ANK2: variants seen among roughly 807,000 people sequenced by gnomAD.
ANK2 encodes the protein ankyrin 2.
In ANK2, 83 loss-of-function variants were observed where a neutral mutation model predicts 360.5. The observed-to-expected ratio is 0.23, with a 90% confidence interval of 0.19 to 0.28. The LOEUF is 0.28. Among genes scored for constraint, ANK2 ranks in the 10% least tolerant of loss-of-function variants. ANK2 has a pLI of 1.00. For missense variants in ANK2, 4,201 were observed against 4,795.7 expected, an observed-to-expected ratio of 0.88 and a Z score of 3.66; for synonymous variants, 1,740 against 1,759.5, an observed-to-expected ratio of 0.99 and a Z score of 0.28.
intron 41 of ANK2, 47 bp downstream of exon 41, chr4:113,365,229 GTGT>G: frequency 6.5e-7 from 1 of 1,547,160 alleles, no homozygotes; most frequent in Non-Finnish European, 8.8e-7. Flanking sequence ...GTGTGTGTGT[GTGT>G]TGTGTCTGTG....
upstream of ANK2, chr4:112,817,990 A>C (rs921303014): frequency 4.6e-5 from 7 of 152,394 alleles, no homozygotes; most frequent in Non-Finnish European, 1.0e-4. Flanking sequence ...AAATGATGCA[A>C]CCCAAGAGTG....
chr4:113,201,856 T>C (rs2098834616), intron 4 of ANK2, among the ~76,000 whole-genome samples: 1 of 152,214 alleles, frequency 6.6e-6, no homozygotes, highest in African/African-American at 2.4e-5. Context: ...GGTATAATCA[T>C]GCCAAATTAT....
intron 10 of ANK2, among the ~76,000 whole-genome samples, chr4:113,254,287 T>C (rs1325978591): frequency 6.6e-6 from 1 of 152,200 alleles, no homozygotes; most frequent in Non-Finnish European, 1.5e-5. Flanking sequence ...GTAACCTCGA[T>C]AGAGACGGGG....
intron 1 of ANK2, among the ~76,000 whole-genome samples, chr4:113,134,319 C>G (rs889589983): frequency 1.7e-5 from 2 of 114,702 alleles, no homozygotes; most frequent in African/African-American, 3.5e-5. Flanking sequence ...ACTGCAACCA[C>G]AGAGAGAACC....
At chr4:112,806,976 C>A in the ANK2 span, among the ~76,000 whole-genome samples, 92,071 of 152,038 alleles carry the variant, frequency 0.61, 29,260 homozygotes, top group East Asian at 0.93. Flanking sequence ...GTGCTGGGAA[C>A]ACAAAATGAG....
intron 1 of ANK2, among the ~76,000 whole-genome samples, chr4:113,072,573 G>A (rs1183696855): frequency 6.6e-6 from 1 of 152,170 alleles, no homozygotes; most frequent in Non-Finnish European, 1.5e-5. Context: ...TACAGGCAGA[G>A]GTTTGGGTAG....
rs1554597581 is a variant in ANK2, at chr4:113,373,310, A to T, written c.11720A>T (p.Tyr3907Phe). The change falls in exon 45 of 46, where the codon TAT becomes TTT. Residue 3907 changes from tyrosine to phenylalanine, a missense_variant. Coordinates refer to ENST00000357077, the MANE Select transcript of ANK2 (RefSeq NM_001148.6). ...GTTACTAGGAAAATCATTAGGCGGT[A>T]TGTATCCTCTGAAGGCACAGAGAAA... is the stretch of plus-strand genomic sequence containing the variant. ...KKVTRKIIRR[Y>F]VSSEGTEKEE... 6.2e-7 allele frequency: 1 copy of T among 1,614,208 alleles called. No homozygotes were observed. The highest frequency in any genetic ancestry group is 8.5e-7 in the Non-Finnish European group (1 of 1,180,012).
At chr4:112,799,600 T>A in the ANK2 span, among the ~76,000 whole-genome samples, 4 of 152,062 alleles carry the variant, frequency 2.6e-5, no homozygotes, top group Admixed American at 2.6e-4. Flanking sequence ...CACTGCAACC[T>A]CCGCTTCCTG....
At chr4:113,202,604 T>C (rs1658537102) in intron 4 of ANK2, among the ~76,000 whole-genome samples, 1 of 152,252 alleles carries the variant, frequency 6.6e-6, no homozygotes, top group African/African-American at 2.4e-5. Flanking sequence ...AACAGACTGC[T>C]AAAGTTATTT....
chr4:113,154,552 C>T (rs541109921), intron 1 of ANK2, among the ~76,000 whole-genome samples: 14 of 152,262 alleles, frequency 9.2e-5, no homozygotes, highest in African/African-American at 3.1e-4. Context: ...TTCTTCTGGC[C>T]TCACTAAAAG....
At chr4:113,256,715 A>G (rs1389785435) in intron 11 of ANK2, among the ~76,000 whole-genome samples, 1 of 152,228 alleles carries the variant, frequency 6.6e-6, no homozygotes, top group Non-Finnish European at 1.5e-5. Flanking sequence ...GTCTGTTAAA[A>G]TTGGTCTTCA....
intron 1 of ANK2, among the ~76,000 whole-genome samples, chr4:113,096,033 A>G (rs1049313459): frequency 6.6e-6 from 1 of 152,204 alleles, no homozygotes; most frequent in African/African-American, 2.4e-5. Context: ...CTGCCAAAGT[A>G]GTGTAGCTGT....
chr4:112,981,068 C>T (rs1223755757), intron 2 of ANK2, among the ~76,000 whole-genome samples: 1 of 152,184 alleles, frequency 6.6e-6, no homozygotes, highest in African/African-American at 2.4e-5. Context: ...CTACATCGTG[C>T]CTCAGGCTGA....
At chr4:113,054,343 A>G (rs534110202) in intron 1 of ANK2, among the ~76,000 whole-genome samples, 2 of 152,288 alleles carry the variant, frequency 1.3e-5, no homozygotes, top group African/African-American at 4.8e-5. Context: ...ACACACACAT[A>G]TTTAATGGCT....
At chr4:112,732,180 C>T in the ANK2 span, among the ~76,000 whole-genome samples, 1 of 151,744 alleles carries the variant, frequency 6.6e-6, no homozygotes, top group African/African-American at 2.4e-5. Flanking sequence ...TTTACTCTCA[C>T]AATGACTATA....
intron 1 of ANK2, among the ~76,000 whole-genome samples, chr4:113,150,223 C>A (rs17579913): frequency 0.23 from 34,458 of 151,964 alleles, 4,090 homozygotes; most frequent in South Asian, 0.29. Flanking sequence ...ACCAAGCTGC[C>A]CCTTCTGAGG....
chr4:112,930,038 A>T (rs1468588033), intron 2 of ANK2, among the ~76,000 whole-genome samples: 2 of 152,194 alleles, frequency 1.3e-5, no homozygotes, highest in Non-Finnish European at 2.9e-5. Context: ...CCAATGTCAC[A>T]TAATGGAGTT....
chr4:112,987,195 A>G (rs2045211871), intron 2 of ANK2, among the ~76,000 whole-genome samples: 1 of 152,188 alleles, frequency 6.6e-6, no homozygotes, highest in South Asian at 2.1e-4. Flanking sequence ...TCTTGTTCAC[A>G]CTAGGCTGGC....
intron 37 of ANK2, among the ~76,000 whole-genome samples, chr4:113,351,648 C>T (rs1169282154): frequency 1.1e-4 from 17 of 151,128 alleles, no homozygotes; most frequent in Non-Finnish European, 2.5e-4. Flanking sequence ...TTTAAATGGC[C>T]TCTTACTTTG....
Sources: gnomAD v4.1 joint callset for allele counts (sites outside exome capture counted in the v4.1 genomes callset) on GRCh38, gnomAD v4.1.1 for gene constraint, MANE v1.5 for transcripts, NCBI Gene and HGNC (gene_info 2026-07-23, HGNC 2026-07-21) for gene names.